Variants in ATP13A5 observed in about 807,000 individuals in gnomAD.
ATP13A5 encodes probable cation-transporting ATPase 13A5.
In ATP13A5, 149 loss-of-function variants were observed where a neutral mutation model predicts 150.2. That is an observed-to-expected ratio of 0.99 (90% CI 0.87 to 1.14). The LOEUF (loss-of-function observed/expected upper bound fraction) is 1.14. Among genes scored for constraint, ATP13A5 ranks in the 50% most tolerant of loss-of-function variants. The pLI is 0.00. For missense variants in ATP13A5, 1,383 were observed against 1,449.3 expected (o/e 0.95, Z 0.74); for synonymous variants, 497 against 522.2 (o/e 0.95, Z 0.66).
At chr3:193,335,713 C>G (rs1711830228) in intron 9 of ATP13A5, among the ~76,000 whole-genome samples, 1 of 152,166 alleles carries the variant, frequency 6.6e-6, no homozygotes, top group Non-Finnish European at 1.5e-5. Context: ...AATCGTTAGC[C>G]TTTTCCATTG....
At chr3:193,298,311 A>C (rs1718254260) in intron 25 of ATP13A5, among the ~76,000 whole-genome samples, 1 of 152,172 alleles carries the variant, frequency 6.6e-6, no homozygotes, top group African/African-American at 2.4e-5. Context: ...ATGTAGAAAA[A>C]TATTTTAATG....
At chr3:193,283,490 G>A (rs985694121) in intron 27 of ATP13A5, among the ~76,000 whole-genome samples, 51 of 152,118 alleles carry the variant, frequency 3.4e-4, no homozygotes, top group African/African-American at 1.2e-3. Flanking sequence ...ATGAAAATAC[G>A]TTTCTCCTCA....
intron 21 of ATP13A5, 25 bp downstream of exon 21, chr3:193,310,613 T>C: frequency 6.4e-7 from 1 of 1,574,578 alleles, no homozygotes; most frequent in Non-Finnish European, 8.6e-7. Flanking sequence ...ATGAGCACAC[T>C]CTTCTTTCAT....
intron 1 of ATP13A5, among the ~76,000 whole-genome samples, chr3:193,366,742 T>C (rs990034448): frequency 5.9e-5 from 9 of 152,030 alleles, no homozygotes; most frequent in African/African-American, 1.9e-4. Context: ...ACTAGCTACA[T>C]TGATCTAATT....
chr3:193,345,674 C>T (rs910221921), intron 7 of ATP13A5, among the ~76,000 whole-genome samples: 5 of 152,080 alleles, frequency 3.3e-5, no homozygotes, highest in South Asian at 2.1e-4. Flanking sequence ...TTGTAACAGA[C>T]GCATAAGTTA....
At chr3:193,279,727 G>A (rs569244853) in intron 27 of ATP13A5, among the ~76,000 whole-genome samples, 89 of 152,154 alleles carry the variant, frequency 5.8e-4, no homozygotes, top group African/African-American at 2.0e-3. Flanking sequence ...CTATCACTGC[G>A]TGTCCAGTGA....
rs138727987 is a variant in ATP13A5 at position 193,333,835 on chromosome 3, C to T, written c.1187G>A (p.Ser396Asn). 1.2e-3 allele frequency: 1,938 copies of T among 1,613,898 alleles called. 1 individual carries two copies. The highest frequency in any genetic ancestry group is 1.5e-3 in the Middle Eastern group (9 of 6,050). Residue 396 changes from serine to asparagine, a missense_variant, in exon 11 of 30, where the codon AGC (serine) becomes AAC (asparagine). By Grantham distance (46) the Ser-to-Asn change is conservative. This residue lies in a region of ATP13A5 where 787 missense variants were observed against 771.9 expected (regional missense o/e 1.02). Coordinates refer to ENST00000342358, the MANE Select transcript of ATP13A5 (RefSeq NM_198505.4). ...GAACACGATGAACTTGAAGGCATCGCTGTATAGTTTGAAGTTCAGAGGCCG... is the reference window on the plus strand; with the variant it reads ...GAACACGATGAACTTGAAGGCATCGTTGTATAGTTTGAAGTTCAGAGGCCG... ...YPRPLNFKLY[S>N]DAFKFIVFLA...
In ATP13A5 at chr3:193,350,176, A is replaced by T. The variant is rs985269781; in HGVS notation, c.741+891T>A. On this transcript the variant is annotated intron_variant, in intron 7 of 29. Transcript: ENST00000342358. Reference sequence around the variant, plus strand: ...CATAGTAAGATCTTATTTTAATTTTAAAAATTAATAAAGACATAAATCTCC... The same window carrying T: ...CATAGTAAGATCTTATTTTAATTTTTAAAATTAATAAAGACATAAATCTCC... 2.2e-4 allele frequency among the ~76,000 whole-genome samples: 33 copies of T among 152,224 alleles called. No homozygotes were observed. The East Asian group carries it at 3.9e-3, about 18-fold the overall frequency.
chr3:193,306,858 A>T (rs1328255572), intron 22 of ATP13A5, among the ~76,000 whole-genome samples: 1 of 152,220 alleles, frequency 6.6e-6, no homozygotes, highest in Admixed American at 6.5e-5. Context: ...AAGCAAACTT[A>T]AAAACTAACC....
chr3:193,377,227 A>G (rs964785064), intron 1 of ATP13A5, among the ~76,000 whole-genome samples: 1 of 152,240 alleles, frequency 6.6e-6, no homozygotes, highest in Non-Finnish European at 1.5e-5. Flanking sequence ...AGCAGTGAAC[A>G]CAGGTGAATA....
At chr3:193,334,599 G>A (rs1711774611) in intron 10 of ATP13A5, among the ~76,000 whole-genome samples, 1 of 152,122 alleles carries the variant, frequency 6.6e-6, no homozygotes, top group African/African-American at 2.4e-5. Context: ...TCATAGTCGT[G>A]GTGGCTGAAA....
At chr3:193,367,937 T>G (rs1464839521) in intron 1 of ATP13A5, among the ~76,000 whole-genome samples, 1 of 144,418 alleles carries the variant, frequency 6.9e-6, no homozygotes, top group Non-Finnish European at 1.5e-5. Flanking sequence ...GTACTAGAAG[T>G]CTTAACCAGT....
chr3:193,349,117 T>A (rs1177046946), intron 7 of ATP13A5, among the ~76,000 whole-genome samples: 1 of 152,236 alleles, frequency 6.6e-6, no homozygotes, highest in African/African-American at 2.4e-5. Context: ...TGAGGACTTG[T>A]GATTTAAATT....
chr3:193,275,143 A>C lies in ATP13A5; in HGVS notation c.3556T>G (p.Phe1186Val), dbSNP rs1717129337. The C allele has an allele frequency of 4.3e-6, 7 of 1,614,180 alleles. No individual in the cohort carries two copies. Among genetic ancestry groups the C allele is most frequent in the Non-Finnish European group, 5.9e-6 (7 of 1,180,036 alleles). The stretch of plus-strand genomic sequence containing the variant: ...CTTTCATAGCCTCCGTTGATGTAGA[A>C]TCCATTTTTGCCATCACCTGAATAA... ...TDYSGDGKNG[F>V]YINGGYESHE... Residue 1186 changes from phenylalanine (F) to valine (V), a missense_variant, in exon 30 of 30, where the codon TTC (phenylalanine) becomes GTC (valine). Around this residue, in one of 3 missense-constraint regions of ATP13A5, gnomAD observed 568 missense variants for 621.5 expected, o/e 0.91. Coordinates refer to ENST00000342358, the MANE Select transcript of ATP13A5 (RefSeq NM_198505.4).
At chr3:193,344,105 C>T (rs768978946) in intron 8 of ATP13A5, 50 bp from the exon 9 acceptor site, 4 of 1,590,342 alleles carry the variant, frequency 2.5e-6, no homozygotes, top group Non-Finnish European at 3.4e-6. Context: ...CCTGTTTTTA[C>T]TTAAGAATGA....
At chr3:193,310,593 G>T in intron 21 of ATP13A5, 45 bp downstream of exon 21, 1 of 1,441,830 alleles carries the variant, frequency 6.9e-7, no homozygotes, top group Non-Finnish European at 9.5e-7. Context: ...CCCATAGGTA[G>T]CAAGAGTTAA....
At chr3:193,364,946 A>C (rs1713186976) in intron 1 of ATP13A5, among the ~76,000 whole-genome samples, 1 of 152,208 alleles carries the variant, frequency 6.6e-6, no homozygotes. Flanking sequence ...ATTTGTCATA[A>C]ACTGAATAAA....
At chr3:193,371,789 C>T (rs996394791) in intron 1 of ATP13A5, among the ~76,000 whole-genome samples, 35 of 152,278 alleles carry the variant, frequency 2.3e-4, no homozygotes, top group Non-Finnish European at 4.3e-4. Flanking sequence ...TAATGAGTCA[C>T]CTGATTAGGT....
chr3:193,281,597 A>C (rs1323195986), intron 27 of ATP13A5, among the ~76,000 whole-genome samples: 1 of 152,178 alleles, frequency 6.6e-6, no homozygotes, highest in African/African-American at 2.4e-5. Flanking sequence ...TTTTTCATAA[A>C]GTTGAGCTTC....
Sources: gnomAD v4.1 joint callset for allele counts (sites outside exome capture counted in the v4.1 genomes callset) on GRCh38, gnomAD v4.1.1 for gene constraint, gnomAD v4.1.1 regional missense constraint, MANE v1.5 for transcripts, NCBI Gene and HGNC (gene_info 2026-07-23, HGNC 2026-07-21) for gene names.